MROH2A: variants seen among roughly 807,000 people sequenced by gnomAD.
The protein encoded by MROH2A is maestro heat like repeat family member 2A, also known as maestro heat-like repeat-containing protein family member 2A.
Under a neutral mutation model 200.4 loss-of-function variants are expected in MROH2A, and 174 were observed. The observed-to-expected ratio is 0.87, with a 90% CI of 0.77 to 0.98. The LOEUF is 0.98. Ranked by LOEUF, MROH2A falls within the 50% of genes least tolerant of loss-of-function variation. The pLI is 0.00. For synonymous variants in MROH2A, 829 were observed against 840.4 expected (o/e 0.99, Z 0.23); for missense variants, 2,045 against 2,139.6 (o/e 0.96, Z 0.87).
intron 26 of MROH2A, 41 bp from the exon 27 acceptor site, chr2:233,816,740 G>C: frequency 7.0e-7 from 1 of 1,435,482 alleles, no homozygotes; most frequent in Non-Finnish European, 9.6e-7. Flanking sequence ...CTGGCCCCAG[G>C]ATTTTAACAC....
In MROH2A at chr2:233,831,418, G is replaced by A. The variant is rs1449698480; in HGVS notation, c.4612G>A (p.Ala1538Thr). 2 of 1,549,746 alleles carry A rather than the reference G, an allele frequency of 1.3e-6. No homozygotes were observed. Among genetic ancestry groups the A allele is most frequent in the Non-Finnish European group, 1.7e-6 (2 of 1,146,646 alleles). The change falls in exon 39 of 42, where the codon GCT becomes ACT. Residue 1538 changes from alanine (A) to threonine (T), a missense_variant. This residue lies in a region of MROH2A where 1,201 missense variants were observed against 1,311.3 expected (regional missense o/e 0.92). Coordinates refer to ENST00000389758, the MANE Select transcript of MROH2A (RefSeq NM_001394639.1). Reference protein sequence around the residue: ...PCSNAAQACMATMFQCVHFWG... With the variant: ...PCSNAAQACMTTMFQCVHFWG... Reference sequence around the variant, plus strand: ...TCCTGTGTCCCTGCAGGCCTGTATGGCTACCATGTTTCAGTGTGTGCACTT... The same window carrying A: ...TCCTGTGTCCCTGCAGGCCTGTATGACTACCATGTTTCAGTGTGTGCACTT...
At chr2:233,830,448 G>T (rs573607373) in intron 38 of MROH2A, among the ~76,000 whole-genome samples, 4 of 152,208 alleles carry the variant, frequency 2.6e-5, no homozygotes, top group African/African-American at 7.2e-5. Flanking sequence ...CGCCTAGTAA[G>T]CCTTGGGACG....
At chr2:233,782,958 C>G (rs1010509755) in intron 3 of MROH2A, among the ~76,000 whole-genome samples, 2 of 150,362 alleles carry the variant, frequency 1.3e-5, no homozygotes, top group Non-Finnish European at 3.0e-5. Flanking sequence ...CTTTTTTTAG[C>G]ATATATTGAA....
intron 38 of MROH2A, among the ~76,000 whole-genome samples, chr2:233,830,057 C>G (rs1704618327): frequency 6.6e-6 from 1 of 152,112 alleles, no homozygotes; most frequent in Non-Finnish European, 1.5e-5. Context: ...CTCCTCTGCC[C>G]AAACCCTTTC....
rs549248361 is a variant in MROH2A at position 233,807,186 on chromosome 2, TA to T, written c.2053-234del. ...TAATATGAACTGATATATGTATATA[TA>T]AACTGATATATGTATGTATGTATAT... On this transcript the variant is annotated intron_variant, in intron 19 of 41. Coordinates refer to ENST00000389758, the MANE Select transcript of MROH2A (RefSeq NM_001394639.1). This position sits in a 1 kb window ranked among gnomAD's most constrained non-coding sequence, Gnocchi z 4.3. Among the ~76,000 whole-genome samples the T allele has an allele frequency of 3.7e-4, 57 of 152,132 alleles. No individual in the cohort carries two copies. Among genetic ancestry groups the T allele is most frequent in the Non-Finnish European group, 6.6e-4 (45 of 68,036 alleles).
intron 29 of MROH2A, 113 bp from the exon 30 acceptor site, chr2:233,819,204 T>G: frequency 1.9e-5 from 21 of 1,116,216 alleles, no homozygotes; most frequent in East Asian, 2.6e-5. Flanking sequence ...GGCCATGGTC[T>G]GAGAGAGGAT....
rs1704748566 is a variant in MROH2A, at chr2:233,831,499, G to A, written c.4693G>A (p.Asp1565Asn). ...AGGGCCAAGTGATACCGCTACTGAT[G>A]ACAAGATGACCGTTTTCCAGACAAC... ...PSGPSDTATD[D>N]KMTVFQTTMC... The change falls in exon 39 of 42, where the codon GAC becomes AAC. Residue 1565 changes from aspartate (D) to asparagine (N), a missense_variant. This residue lies in a region of MROH2A where 1,201 missense variants were observed against 1,311.3 expected (regional missense o/e 0.92). Transcript: ENST00000389758. The A allele has an allele frequency of 6.5e-7, 1 of 1,550,346 alleles. No individual in the cohort carries two copies. Among genetic ancestry groups the A allele is most frequent in the Non-Finnish European group, 8.7e-7 (1 of 1,146,970 alleles).
intron 3 of MROH2A, among the ~76,000 whole-genome samples, chr2:233,789,173 G>A (rs890412451): frequency 6.6e-6 from 1 of 152,096 alleles, no homozygotes; most frequent in South Asian, 2.1e-4. Context: ...GGCAAGGTGA[G>A]CCTGCCTTCT....
chr2:233,816,848 A>G lies in MROH2A; in HGVS notation c.2924A>G (p.Tyr975Cys), dbSNP rs764249874. The G allele has an allele frequency of 7.8e-5, 121 of 1,550,292 alleles. 1 individual carries two copies. In the South Asian group the frequency reaches 1.3e-3, roughly 16 times the overall value. The part of the protein sequence containing the change: ...EREKAVSLHL[Y>C]LMWIYVHSTA... Reference sequence around the variant, plus strand: ...GAAAAGGCCGTGAGCCTCCATCTCTATCTCATGTGGATTTATGTCCACAGC... The same window carrying G: ...GAAAAGGCCGTGAGCCTCCATCTCTGTCTCATGTGGATTTATGTCCACAGC... Residue 975 changes from tyrosine (Y) to cysteine (C), a missense_variant, in exon 27 of 42, where the codon TAT (tyrosine) becomes TGT (cysteine). By Grantham distance (194) the Tyr-to-Cys change is radical. This residue lies in a region of MROH2A where 1,201 missense variants were observed against 1,311.3 expected (regional missense o/e 0.92). Transcript: ENST00000389758.
At chr2:233,819,494 C>A in intron 30 of MROH2A, 25 bp downstream of exon 30, 1 of 1,546,912 alleles carries the variant, frequency 6.5e-7, no homozygotes, top group Non-Finnish European at 8.7e-7. Flanking sequence ...GCAGGGCCAC[C>A]AGAGAGAGGG....
At chr2:233,815,578 C>T (rs1575987417) in intron 26 of MROH2A, among the ~76,000 whole-genome samples, 2 of 152,094 alleles carry the variant, frequency 1.3e-5, no homozygotes, top group East Asian at 1.9e-4. Flanking sequence ...GTCTGAGGTA[C>T]GGGTCAAAGT....
rs1311869694 is a variant in MROH2A, at chr2:233,820,582, G to A, written c.3512+526G>A. On this transcript the variant is annotated intron_variant, in intron 31 of 41. Coordinates refer to ENST00000389758, the MANE Select transcript of MROH2A (RefSeq NM_001394639.1). This position sits in a 1 kb window ranked among gnomAD's most constrained non-coding sequence, Gnocchi z 4.1. ...GGTGTTTCTCTGCAGACAGTGCAGA[G>A]CTCCTGTGTGTGCTACAGCATGATG... Among the ~76,000 whole-genome samples the A allele has an allele frequency of 6.6e-6, 1 of 152,044 alleles. No individual in the cohort carries two copies. The highest frequency in any genetic ancestry group is 2.4e-5 in the African/African-American group (1 of 41,404).
Position 233,807,636 on chromosome 2 carries a change from G to A in MROH2A, c.2172+94G>A. The stretch of plus-strand genomic sequence containing the variant: ...GTGGCTGCATGCGTTTTGTGTGTGT[G>A]TGTGTACATGTGTGTGTGCCTTGCA... On this transcript the variant is annotated intron_variant, in intron 20 of 41. Transcript: ENST00000389758. The surrounding 1 kb of genome is among the most constrained non-coding windows in gnomAD (Gnocchi z 4.3). 2.6e-6 allele frequency: 4 copies of A among 1,543,484 alleles called. No individual in the cohort carries two copies. The highest frequency in any genetic ancestry group is 3.5e-6 in the Non-Finnish European group (4 of 1,142,626).
chr2:233,815,090 C>A (rs1461284777), intron 26 of MROH2A, among the ~76,000 whole-genome samples: 1 of 152,180 alleles, frequency 6.6e-6, no homozygotes, highest in African/African-American at 2.4e-5. Flanking sequence ...CAGTAATGTC[C>A]TTTAGAGCTG....
intron 34 of MROH2A, 39 bp from the exon 35 acceptor site, chr2:233,823,517 G>A (rs766316834): frequency 3.9e-6 from 6 of 1,535,110 alleles, no homozygotes; most frequent in South Asian, 1.2e-5. Flanking sequence ...GGCAGGGGTG[G>A]GGCCGCCTCC....
At chr2:233,798,093 A>G (rs955256827) in intron 11 of MROH2A, among the ~76,000 whole-genome samples, 19 of 152,142 alleles carry the variant, frequency 1.2e-4, no homozygotes, top group African/African-American at 4.6e-4. Context: ...CCTTGAGTGC[A>G]GTATCATCCT....
At chr2:233,786,804 TA>T (rs1291667272) in intron 3 of MROH2A, among the ~76,000 whole-genome samples, 1 of 152,184 alleles carries the variant, frequency 6.6e-6, no homozygotes, top group African/African-American at 2.4e-5. Context: ...AGGCACATTT[TA>T]AAATTAACAT....
At chr2:233,790,144 T>C (rs2361502) in intron 5 of MROH2A, 130 bp downstream of exon 5, 268,469 of 918,056 alleles carry the variant, frequency 0.29, 40,448 homozygotes, top group South Asian at 0.37. Context: ...CCCTCTAAAA[T>C]TGATTCATTT....
At chr2:233,802,370 T>C in intron 15 of MROH2A, 55 bp downstream of exon 15, 8 of 1,506,150 alleles carry the variant, frequency 5.3e-6, no homozygotes, top group African/African-American at 1.4e-5. Context: ...TGGCTCCTTG[T>C]CTGGGAATGC....
Sources: allele counts gnomAD v4.1 joint callset (sites outside exome capture counted in the v4.1 genomes callset), GRCh38; gene constraint gnomAD v4.1.1; regional missense constraint gnomAD v4.1.1; non-coding constraint Gnocchi (gnomAD v3.1); transcripts MANE v1.5; gene names NCBI Gene and HGNC (gene_info 2026-07-23, HGNC 2026-07-21).